Variants in RUNX2 observed in about 807,000 individuals in gnomAD.
The protein encoded by RUNX2 is runt-related transcription factor 2.
RUNX2 carries 10 observed loss-of-function variants against 51.7 expected under a neutral mutation model. The ratio of observed to expected loss-of-function variants is 0.19; its 90% CI spans 0.12 to 0.33. The LOEUF is 0.33. Among genes scored for constraint, RUNX2 ranks in the 10% least tolerant of loss-of-function variants. The probability of loss-of-function intolerance (pLI) is 1.00; values close to 1 mark genes in which losing one functional copy is unlikely to be tolerated. For synonymous variants in RUNX2, 276 were observed against 273.6 expected (o/e 1.01, Z -0.09); for missense variants, 562 against 691.3 (o/e 0.81, Z 2.10).
At chr6:45,442,164 C>A (rs867011893) in intron 5 of RUNX2, among the ~76,000 whole-genome samples, 1 of 152,184 alleles carries the variant, frequency 6.6e-6, no homozygotes, top group African/African-American at 2.4e-5. Context: ...CTTATTAGAA[C>A]CTTCATCTTA....
chr6:45,422,710 A>G lies in RUNX2; in HGVS notation c.176A>G (p.Gln59Arg), dbSNP rs779943223. 91 of 1,531,142 alleles carry G rather than the reference A, an allele frequency of 5.9e-5. No individual in the cohort carries two copies. The highest frequency in any genetic ancestry group is 7.3e-5 in the Non-Finnish European group (83 of 1,131,190). 94.8% of individuals were successfully genotyped at this position (1,531,142 alleles called of 1,614,324 possible). Residue 59 changes from glutamine to arginine, a missense_variant, in exon 3 of 9, where the codon CAG becomes CGG. Gln to Arg is a conservative substitution (Grantham distance 43). Around this residue, in one of 5 missense-constraint regions of RUNX2, gnomAD observed 153 missense variants for 144.8 expected, o/e 1.06. Coordinates refer to ENST00000647337, the MANE Select transcript of RUNX2 (RefSeq NM_001024630.4). ...CAGCAGCAACAGCAGCAGCAGCAAC[A>G]GCAGCAGCAGCAGCAGCAACAGCAG... is the stretch of plus-strand genomic sequence containing the variant. ...QQQQQQQQQQQQQQQQQQQQQ... is the reference protein window; with the variant it reads ...QQQQQQQQQQRQQQQQQQQQQ...
intron 5 of RUNX2, among the ~76,000 whole-genome samples, chr6:45,445,271 G>T (rs756587864): frequency 6.6e-6 from 1 of 152,114 alleles, no homozygotes; most frequent in Non-Finnish European, 1.5e-5. Flanking sequence ...TGATTCACCC[G>T]CCTCAGCTTC....
chr6:45,359,099 T>C (rs1465919864), intron 2 of RUNX2, among the ~76,000 whole-genome samples: 1 of 152,140 alleles, frequency 6.6e-6, no homozygotes, highest in East Asian at 1.9e-4. Context: ...ACACATATAA[T>C]CCTAAACTGA....
chr6:45,532,609 C>G (rs576775601), intron 7 of RUNX2, among the ~76,000 whole-genome samples: 1 of 152,144 alleles, frequency 6.6e-6, no homozygotes, highest in Non-Finnish European at 1.5e-5. Context: ...AAAAAATGAA[C>G]CACCAATGAC....
intron 3 of RUNX2, among the ~76,000 whole-genome samples, chr6:45,423,671 C>T (rs1264583261): frequency 6.6e-6 from 1 of 151,172 alleles, no homozygotes; most frequent in Admixed American, 6.6e-5. Flanking sequence ...CCTGGACAAA[C>T]CTAGGGTCTC....
chr6:45,538,052 A>G (rs189384306), intron 7 of RUNX2, among the ~76,000 whole-genome samples: 1 of 151,840 alleles, frequency 6.6e-6, no homozygotes, highest in Non-Finnish European at 1.5e-5. Flanking sequence ...CCCTTTAAAA[A>G]CCCTTCTCCA....
chr6:45,402,002 G>A (rs747689720), intron 2 of RUNX2, among the ~76,000 whole-genome samples: 4 of 152,172 alleles, frequency 2.6e-5, no homozygotes, highest in Non-Finnish European at 5.9e-5. Flanking sequence ...ATCAGGAAAC[G>A]TCCCATTCGA....
intron 6 of RUNX2, among the ~76,000 whole-genome samples, chr6:45,494,089 T>C (rs73737439): frequency 0.07 from 10,651 of 152,236 alleles, 558 homozygotes; most frequent in African/African-American, 0.14. Flanking sequence ...ACCTTAGATA[T>C]TGTGAAACCA....
intron 2 of RUNX2, among the ~76,000 whole-genome samples, chr6:45,380,199 A>G (rs1797205660): frequency 6.6e-6 from 1 of 152,252 alleles, no homozygotes; most frequent in South Asian, 2.1e-4. Context: ...TCTTAATTAT[A>G]ACAAAGCTAA....
At chr6:45,470,201 A>T (rs138665387) in intron 5 of RUNX2, among the ~76,000 whole-genome samples, 178 of 152,278 alleles carry the variant, frequency 1.2e-3, no homozygotes, top group African/African-American at 4.0e-3. Context: ...TTTGTTTATA[A>T]TTTTTTCTGA....
At chr6:45,391,285 G>A (rs1030357591) in intron 2 of RUNX2, among the ~76,000 whole-genome samples, 1 of 152,162 alleles carries the variant, frequency 6.6e-6, no homozygotes, top group African/African-American at 2.4e-5. Context: ...AGCTCTTGCT[G>A]TTAGTTTATA....
chr6:45,408,208 C>T (rs1797877017), intron 2 of RUNX2, among the ~76,000 whole-genome samples: 2 of 151,462 alleles, frequency 1.3e-5, no homozygotes, highest in African/African-American at 2.4e-5. Context: ...CTCTGTCGCC[C>T]AGGCTGGAGT....
chr6:45,341,236 A>T (rs1789707621), intron 2 of RUNX2, among the ~76,000 whole-genome samples: 3 of 152,190 alleles, frequency 2.0e-5, no homozygotes, highest in African/African-American at 7.2e-5. Flanking sequence ...GAATAAAGCT[A>T]TGAGATTATA....
At chr6:45,343,971 G>C (rs1228615551) in intron 2 of RUNX2, among the ~76,000 whole-genome samples, 1 of 151,962 alleles carries the variant, frequency 6.6e-6, no homozygotes, top group East Asian at 1.9e-4. Flanking sequence ...GTTGTTTACT[G>C]GTAAAATATT....
chr6:45,333,221 T>C (rs1787869639), intron 2 of RUNX2, among the ~76,000 whole-genome samples: 1 of 151,688 alleles, frequency 6.6e-6, no homozygotes, highest in Non-Finnish European at 1.5e-5. Context: ...TATTTTTTGA[T>C]TAATGTGTTA....
At chr6:45,438,401 A>C (rs937209135) in intron 5 of RUNX2, among the ~76,000 whole-genome samples, 10 of 152,248 alleles carry the variant, frequency 6.6e-5, no homozygotes, top group Admixed American at 2.6e-4. Context: ...GAGCAAACTT[A>C]AAAATCTTGA....
intron 2 of RUNX2, among the ~76,000 whole-genome samples, chr6:45,385,182 A>G (rs891801198): frequency 6.6e-6 from 1 of 152,220 alleles, no homozygotes. Context: ...AGACAAAGGT[A>G]TATAAACAAG....
chr6:45,385,469 G>A (rs907308923), intron 2 of RUNX2, among the ~76,000 whole-genome samples: 1 of 152,182 alleles, frequency 6.6e-6, no homozygotes, highest in Non-Finnish European at 1.5e-5. Flanking sequence ...ACTTATCCCT[G>A]TTCCTAGGTT....
chr6:45,373,611 C>A (rs1350534978), intron 2 of RUNX2, among the ~76,000 whole-genome samples: 2 of 152,000 alleles, frequency 1.3e-5, no homozygotes, highest in Non-Finnish European at 2.9e-5. Flanking sequence ...GAGTGCAGTG[C>A]ACGATCTCGG....
Sources: allele counts gnomAD v4.1 joint callset (sites outside exome capture counted in the v4.1 genomes callset), GRCh38; gene constraint gnomAD v4.1.1; regional missense constraint gnomAD v4.1.1; transcripts MANE v1.5; gene names NCBI Gene and HGNC (gene_info 2026-07-23, HGNC 2026-07-21).